The following CHODL variants were observed in gnomAD, a reference collection of about 807,000 sequenced individuals.
CHODL encodes transmembrane protein MT75.
Under a neutral mutation model 34.5 loss-of-function variants are expected in CHODL, and 29 were observed. The observed-to-expected ratio is 0.84, with a 90% CI of 0.63 to 1.15. CHODL has a LOEUF of 1.15. Ranked by LOEUF, CHODL falls within the 50% of genes most tolerant of loss-of-function variation. CHODL has a pLI of 0.00. For synonymous variants in CHODL, 125 were observed against 116.1 expected (o/e 1.08, Z -0.49); for missense variants, 332 against 332.5 (o/e 1.00, Z 0.01).
rs996787621 is a variant in CHODL, at chr21:17,955,009, A to G, written c.-145+37609A>G. ...TTTACTACCATCAACTGGATAGCTT[A>G]TAGACAAGAGGAATTTATTTCTCAC... On this transcript the variant is annotated intron_variant, in intron 1 of 6. Transcript: ENST00000400127. 1.4e-4 allele frequency among the ~76,000 whole-genome samples: 19 copies of G among 134,094 alleles called. 3 individuals carry two copies. Among genetic ancestry groups the G allele is most frequent in the Admixed American group, 7.4e-4 (10 of 13,468 alleles). The allele number at this position is 134,094 out of a possible 152,430, so 88.0% of individuals were successfully genotyped here.
chr21:18,262,953 T>C (rs951342388), intron 5 of CHODL, 60 bp downstream of exon 5: 25 of 934,096 alleles, frequency 2.7e-5, no homozygotes, highest in Non-Finnish European at 3.8e-5. Flanking sequence ...TTCAGAAATG[T>C]TTTAAAACTA....
intron 2 of CHODL, among the ~76,000 whole-genome samples, chr21:18,126,700 G>A (rs569737998): frequency 4.9e-4 from 75 of 151,562 alleles, no homozygotes; most frequent in Non-Finnish European, 8.7e-4. Context: ...ACTCCAATTA[G>A]TTATCTCTTA....
At chr21:18,239,449 C>T (rs531915433) in intron 2 of CHODL, among the ~76,000 whole-genome samples, 18 of 151,956 alleles carry the variant, frequency 1.2e-4, no homozygotes, top group South Asian at 6.2e-4. Flanking sequence ...GGTTTTTTTC[C>T]GTTAAATTCC....
intron 1 of CHODL, among the ~76,000 whole-genome samples, chr21:18,250,558 T>C (rs1184086234): frequency 2.0e-5 from 3 of 151,908 alleles, no homozygotes; most frequent in Non-Finnish European, 4.4e-5. Context: ...AAAATAAAAG[T>C]TTATTATAAT....
chr21:18,191,414 G>A lies in CHODL; in HGVS notation c.-44-65095G>A, dbSNP rs113685034. Among the ~76,000 whole-genome samples, 146 of 152,244 alleles carry A rather than the reference G, an allele frequency of 9.6e-4. 1 individual carries two copies. The highest frequency in any genetic ancestry group is 1.7e-3 in the Non-Finnish European group (113 of 68,004). ...TTTCCTCATATGAAACAGTTGCCAGGGCTCTGCAAGGTTCTGGGGAAAATG... is the reference window on the plus strand; with the variant it reads ...TTTCCTCATATGAAACAGTTGCCAGAGCTCTGCAAGGTTCTGGGGAAAATG... On this transcript the variant is annotated intron_variant, in intron 2 of 6. Coordinates refer to the CHODL transcript ENST00000400127.
chr21:18,256,498 T>TA lies in CHODL; in HGVS notation c.80-11_80-10insA. On this transcript the variant is annotated splice_polypyrimidine_tract_variant and intron_variant, in intron 1 of 5. Transcript: ENST00000299295. ...ATTATCAATATATGGGCATCTTTTT[T>TA]TTTTTTTCAGGCCAAAAGGTGTGTT... 6.3e-7 allele frequency: 1 copy of TA among 1,576,380 alleles called. No homozygotes were observed. The highest frequency in any genetic ancestry group is 1.2e-5 in the South Asian group (1 of 85,458).
chr21:18,146,128 C>A (rs1027298267), intron 2 of CHODL, among the ~76,000 whole-genome samples: 2 of 144,244 alleles, frequency 1.4e-5, no homozygotes, highest in Non-Finnish European at 3.0e-5. Context: ...CCACCACGCC[C>A]GGTTAATTTT....
At chr21:18,158,963 C>T (rs770421272) in intron 2 of CHODL, among the ~76,000 whole-genome samples, 19 of 152,026 alleles carry the variant, frequency 1.2e-4, no homozygotes, top group African/African-American at 4.4e-4. Flanking sequence ...CAAGTAGATT[C>T]GGTTTTTACC....
intron 1 of CHODL, among the ~76,000 whole-genome samples, chr21:17,938,395 T>TAC (rs1250631328): frequency 6.7e-6 from 1 of 149,044 alleles, no homozygotes; most frequent in Non-Finnish European, 1.5e-5. Context: ...TATATATAGA[T>TAC]ATATATATAT....
intron 2 of CHODL, among the ~76,000 whole-genome samples, chr21:18,149,242 G>A (rs139943187): frequency 1.2e-4 from 19 of 152,232 alleles, no homozygotes; most frequent in African/African-American, 3.1e-4. Flanking sequence ...ATTGGCAGGC[G>A]TGAGCAGTCT....
chr21:18,004,563 G>C (rs898080896), intron 1 of CHODL, among the ~76,000 whole-genome samples: 1 of 152,174 alleles, frequency 6.6e-6, no homozygotes, highest in East Asian at 1.9e-4. Context: ...GTCAAATGAG[G>C]ACAATTCAAT....
At chr21:18,039,134 G>A (rs951232241) in intron 2 of CHODL, among the ~76,000 whole-genome samples, 1 of 151,548 alleles carries the variant, frequency 6.6e-6, no homozygotes, top group Non-Finnish European at 1.5e-5. Flanking sequence ...GATTCTTAAT[G>A]GTCAGGATTT....
intron 1 of CHODL, among the ~76,000 whole-genome samples, chr21:17,986,850 A>G (rs923083176): frequency 2.6e-5 from 4 of 152,138 alleles, no homozygotes; most frequent in Non-Finnish European, 5.9e-5. Context: ...CTAGATTGCT[A>G]TGTAAGGGCA....
At chr21:18,011,049 A>G (rs1275986757) in intron 1 of CHODL, among the ~76,000 whole-genome samples, 1 of 152,166 alleles carries the variant, frequency 6.6e-6, no homozygotes, top group Non-Finnish European at 1.5e-5. Flanking sequence ...TGTGTGGCAA[A>G]TATTTAAATG....
At chr21:17,924,121 C>G (rs980592649) in intron 1 of CHODL, among the ~76,000 whole-genome samples, 1 of 152,098 alleles carries the variant, frequency 6.6e-6, no homozygotes, top group African/African-American at 2.4e-5. Flanking sequence ...TGCCTCTGCC[C>G]GGTAGCACCA....
chr21:18,079,444 T>C (rs934445376), intron 2 of CHODL, among the ~76,000 whole-genome samples: 1 of 147,682 alleles, frequency 6.8e-6, no homozygotes, highest in African/African-American at 2.5e-5. Context: ...ATCACACATA[T>C]ACCATAGAAT....
intron 2 of CHODL, among the ~76,000 whole-genome samples, chr21:18,211,216 C>A (rs2073771787): frequency 6.6e-6 from 1 of 151,692 alleles, no homozygotes; most frequent in Admixed American, 6.6e-5. Flanking sequence ...TGTTCCATAG[C>A]ACTTGTCATT....
At chr21:18,060,818 G>T (rs1006544467) in intron 2 of CHODL, among the ~76,000 whole-genome samples, 5 of 151,752 alleles carry the variant, frequency 3.3e-5, no homozygotes, top group South Asian at 2.1e-4. Context: ...TTGTTTCTGT[G>T]TCTGTGCTTC....
chr21:18,217,598 A>G (rs570280130), intron 2 of CHODL, among the ~76,000 whole-genome samples: 85 of 152,252 alleles, frequency 5.6e-4, no homozygotes, highest in Non-Finnish European at 1.0e-3. Context: ...AAACCATATC[A>G]TGTCACCCTG....
Sources: allele counts gnomAD v4.1 joint callset (sites outside exome capture counted in the v4.1 genomes callset), GRCh38; gene constraint gnomAD v4.1.1; transcripts MANE v1.5; gene names NCBI Gene and HGNC (gene_info 2026-07-23, HGNC 2026-07-21).